Variants in CLEC10A observed in about 807,000 individuals in gnomAD.
The protein encoded by CLEC10A is C-type lectin domain containing 10A.
In CLEC10A, 38 loss-of-function variants were observed where a neutral mutation model predicts 42.0. The observed-to-expected ratio is 0.90, with a 90% CI of 0.70 to 1.18. The LOEUF (loss-of-function observed/expected upper bound fraction) is 1.18. CLEC10A is among the 50% of genes most tolerant of loss of function. The pLI is 0.00. For missense variants in CLEC10A, 298 were observed against 345.9 expected (o/e 0.86, Z 1.10); for synonymous variants, 126 against 139.9 (o/e 0.90, Z 0.70).
intron 5 of CLEC10A, 121 bp from the exon 6 acceptor site, chr17:7,076,192 C>A: frequency 6.3e-7 from 1 of 1,586,442 alleles, no homozygotes; most frequent in African/African-American, 1.3e-5. Context: ...TTCCCGCCCC[C>A]ACCCACCCCC....
At chr17:7,077,846 T>G in intron 3 of CLEC10A, 151 bp downstream of exon 3, 1 of 629,602 alleles carries the variant, frequency 1.6e-6, no homozygotes, top group Non-Finnish European at 2.9e-6. Flanking sequence ...CATGCCCCAT[T>G]GTTATCTCCA....
At position 7,076,968 on chromosome 17, in the gene CLEC10A, G is replaced by C. The variant is rs779670458; in HGVS notation, c.204C>G (p.Asp68Glu). 2 of 1,613,716 alleles carry C rather than the reference G, an allele frequency of 1.2e-6. No individual in the cohort carries two copies. Among genetic ancestry groups the C allele is most frequent in the South Asian group, 1.1e-5 (1 of 91,064 alleles). The change falls in exon 4 of 9, where the codon GAC (aspartate) becomes GAG (glutamate). Residue 68 changes from aspartate (D) to glutamate (E), a missense_variant. Physicochemically the swap from Asp to Glu is conservative, Grantham distance 45 (BLOSUM62 2). Coordinates refer to ENST00000416562, the MANE Select transcript of CLEC10A (RefSeq NM_001330070.2). The stretch of plus-strand genomic sequence containing the variant: ...TAAAATCTGTTCTCAGGGTCACCAG[G>C]TCCCTCTGAAATTTGGAATCTAAAC... Reference protein sequence around the residue: ...VGFQNSKFQRDLVTLRTDFSN... With the variant: ...VGFQNSKFQRELVTLRTDFSN...
intron 3 of CLEC10A, among the ~76,000 whole-genome samples, chr17:7,077,535 A>T (rs1174838278): frequency 3.6e-5 from 1 of 27,824 alleles, no homozygotes; most frequent in Non-Finnish European, 6.3e-5. Flanking sequence ...GTGACCCCCC[A>T]CCGTTCCTAT....
Position 7,075,772 on chromosome 17 carries a change from T to C in CLEC10A, c.553A>G (p.Lys185Glu), listed in dbSNP as rs747376569. 1 of 1,614,192 alleles carries C rather than the reference T, an allele frequency of 6.2e-7. No individual in the cohort carries two copies. The highest frequency in any genetic ancestry group is 8.5e-7 in the Non-Finnish European group (1 of 1,180,030). The change falls in exon 7 of 9, where the codon AAG becomes GAG. Residue 185 changes from lysine (K) to glutamate (E), a missense_variant. Transcript: ENST00000416562. ...TTGATGACCACCAGGTGGGCGTTCT[T>C]CAGCTGGCAGTACTTCTCAGCCTCG... ...WAEAEKYCQL[K>E]NAHLVVINSR...
In CLEC10A at chr17:7,076,177, G is replaced by GTTCC. The variant is rs771503361; in HGVS notation, c.353-110_353-107dup. ...CCTGCACAGGGCCAAGCCAGGGAATGTTCCTTCCCGCCCCCACCCACCCCC... is the reference window on the plus strand; with the variant it reads ...CCTGCACAGGGCCAAGCCAGGGAATGTTCCTTCCTTCCCGCCCCCACCCACCCCC... On this transcript the variant is annotated intron_variant, in intron 5 of 8. Transcript: ENST00000416562. The GTTCC allele has an allele frequency of 4.4e-6, 7 of 1,606,234 alleles. No homozygotes were observed. In the South Asian group the frequency reaches 7.8e-5, roughly 18 times the overall value.
chr17:7,078,353 TC>T, intron 2 of CLEC10A: 2 of 516,692 alleles, frequency 3.9e-6, no homozygotes, highest in Non-Finnish European at 6.9e-6. Context: ...ATATGAGGGG[TC>T]CCATGGTCAG....
rs556581002 is a variant in CLEC10A, at chr17:7,076,958, G to A, written c.214C>T (p.Leu72=). The A allele has an allele frequency of 3.8e-5, 61 of 1,613,814 alleles. No homozygotes were observed. In the South Asian group the frequency reaches 6.4e-4, roughly 17 times the overall value. Reference sequence around the variant, plus strand: ...GTGAAGTTGCTAAAATCTGTTCTCAGGGTCACCAGGTCCCTCTGAAATTTG... The same window carrying A: ...GTGAAGTTGCTAAAATCTGTTCTCAAGGTCACCAGGTCCCTCTGAAATTTG... ...NSKFQRDLVT[L]RTDFSNFTSN... is the part of the protein sequence containing the mutation. Residue 72 remains leucine, a synonymous_variant, in exon 4 of 9, where the codon CTG becomes TTG. Transcript: ENST00000416562.
At chr17:7,078,499 T>C (rs1911988765) in intron 2 of CLEC10A, 2 of 550,952 alleles carry the variant, frequency 3.6e-6, no homozygotes, top group Non-Finnish European at 3.2e-6. Flanking sequence ...TATCTTTCCC[T>C]CCACCAATGC....
chr17:7,077,132 T>C (rs1176469165), intron 3 of CLEC10A, 145 bp from the exon 4 acceptor site: 2 of 647,318 alleles, frequency 3.1e-6, no homozygotes, highest in African/African-American at 1.8e-5. Context: ...ATATTGCCGA[T>C]GAGGAAACTA....
rs140313272 is a variant in CLEC10A at position 7,075,470 on chromosome 17, C to T, written c.595-4G>A. On this transcript the variant is annotated splice_region_variant and splice_polypyrimidine_tract_variant and intron_variant, in intron 7 of 8. Coordinates refer to ENST00000416562, the MANE Select transcript of CLEC10A (RefSeq NM_001330070.2). Reference sequence around the variant, plus strand: ...CTAGATATTTCTGGACAAAATTCTGCGGTGACAGAAGGGCAGTGGTGACTT... The same window carrying T: ...CTAGATATTTCTGGACAAAATTCTGTGGTGACAGAAGGGCAGTGGTGACTT... The T allele has an allele frequency of 1.2e-5, 19 of 1,531,240 alleles. No individual in the cohort carries two copies. The African/African-American group carries it at 1.8e-4, about 15-fold the overall frequency. The allele number at this position is 1,531,240 out of a possible 1,614,324, so 94.9% of individuals were successfully genotyped here. A position where few individuals can be genotyped will look rare whatever the true frequency, so the allele number is the denominator to read the frequency against.
rs117337032 is a variant in CLEC10A, at chr17:7,077,255, G to A, written c.185-268C>T. Among the ~76,000 whole-genome samples the A allele has an allele frequency of 4.9e-3, 539 of 109,270 alleles. 6 individuals carry two copies. Among genetic ancestry groups the A allele is most frequent in the East Asian group, 0.036 (145 of 4,012 alleles). 71.7% of individuals were successfully genotyped at this position (109,270 alleles called of 152,430 possible). A position where few individuals can be genotyped will look rare whatever the true frequency, so the allele number is the denominator to read the frequency against. ...TCTCTCCATCACTACCCCCACCACC[G>A]TCCCCATCAATCACTCCATCAGTGC... On this transcript the variant is annotated intron_variant, in intron 3 of 8. Coordinates refer to ENST00000416562, the MANE Select transcript of CLEC10A (RefSeq NM_001330070.2).
Position 7,078,624 on chromosome 17 carries a change from G to T in CLEC10A, c.67+122C>A, listed in dbSNP as rs1911996559. 4.4e-6 allele frequency: 4 copies of T among 909,116 alleles called. No individual in the cohort carries two copies. In the East Asian group the frequency reaches 9.7e-5, roughly 22 times the overall value. 56.3% of individuals were successfully genotyped at this position (909,116 alleles called of 1,614,324 possible). On this transcript the variant is annotated intron_variant, in intron 2 of 8. Transcript: ENST00000416562. ...TTCACACTAGGCCCGTCAGAGGCTGGGGCCTGACCTCCTCAGAGTTAGGAC... is the reference window on the plus strand; with the variant it reads ...TTCACACTAGGCCCGTCAGAGGCTGTGGCCTGACCTCCTCAGAGTTAGGAC...
intron 8 of CLEC10A, 67 bp from the exon 9 acceptor site, chr17:7,075,289 A>G (rs1597357108): frequency 6.6e-7 from 1 of 1,507,052 alleles, no homozygotes; most frequent in Non-Finnish European, 8.9e-7. Flanking sequence ...AGGGGAGGAG[A>G]GGCTGCCAGT....
chr17:7,076,307 C>CTTTTTTT (rs1206807036), intron 5 of CLEC10A, among the ~76,000 whole-genome samples: 4 of 121,126 alleles, frequency 3.3e-5, no homozygotes, highest in South Asian at 2.7e-4. Context: ...TTCTTTCTTT[C>CTTTTTTT]TTTTTTTTTT....
Position 7,078,176 on chromosome 17 carries a change from G to A in CLEC10A, c.68-63C>T, listed in dbSNP as rs543099806. ...GACACCGGAGACGGGAGAAGGAGAG[G>A]GCCCAGGGAGCTGTCTAGTGAGGAG... On this transcript the variant is annotated intron_variant, in intron 2 of 8. Coordinates refer to ENST00000416562, the MANE Select transcript of CLEC10A (RefSeq NM_001330070.2). 11 of 1,269,740 alleles carry A rather than the reference G, an allele frequency of 8.7e-6. No homozygotes were observed. The South Asian group carries it at 1.2e-4, about 14-fold the overall frequency. 78.7% of individuals were successfully genotyped at this position (1,269,740 alleles called of 1,614,324 possible). A position where few individuals can be genotyped will look rare whatever the true frequency, so the allele number is the denominator to read the frequency against.
At chr17:7,077,948 C>A in intron 3 of CLEC10A, 49 bp downstream of exon 3, 1 of 1,420,152 alleles carries the variant, frequency 7.0e-7, no homozygotes, top group Non-Finnish European at 9.9e-7. Context: ...CATTATTTAT[C>A]TTCTACCCCA....
At chr17:7,077,331 CATCA>C (rs1911837295) in intron 3 of CLEC10A, among the ~76,000 whole-genome samples, 1 of 139,758 alleles carries the variant, frequency 7.2e-6, no homozygotes, top group Non-Finnish European at 1.6e-5. Flanking sequence ...TCACCATTCC[CATCA>C]ATCACTCCAT....
intron 7 of CLEC10A, 67 bp downstream of exon 7, chr17:7,075,664 G>T: frequency 6.2e-7 from 1 of 1,609,238 alleles, no homozygotes; most frequent in Non-Finnish European, 8.5e-7. Flanking sequence ...TCCAATGTGC[G>T]GCCAAGCTTA....
Position 7,075,747 on chromosome 17 carries a change from T to A in CLEC10A, c.578A>T (p.Asn193Ile). 6.2e-7 allele frequency: 1 copy of A among 1,614,046 alleles called. No homozygotes were observed. Among genetic ancestry groups the A allele is most frequent in the Non-Finnish European group, 8.5e-7 (1 of 1,180,024 alleles). Reference protein sequence around the residue: ...QLKNAHLVVINSREEQNFVQK... With the variant: ...QLKNAHLVVIISREEQNFVQK... ...AGCCCTCACCTGCTCCTCCCTGGAG[T>A]TGATGACCACCAGGTGGGCGTTCTT... Residue 193 changes from asparagine (N) to isoleucine (I), a missense_variant, in exon 7 of 9, where the codon AAC becomes ATC. Coordinates refer to ENST00000416562, the MANE Select transcript of CLEC10A (RefSeq NM_001330070.2).
Sources: allele counts gnomAD v4.1 joint callset (sites outside exome capture counted in the v4.1 genomes callset), GRCh38; gene constraint gnomAD v4.1.1; transcripts MANE v1.5; gene names NCBI Gene and HGNC (gene_info 2026-07-23, HGNC 2026-07-21).